TFEC: variants seen among roughly 807,000 people sequenced by gnomAD.
The protein encoded by TFEC is class E basic helix-loop-helix protein 34.
In TFEC, 31 loss-of-function variants were observed where a neutral mutation model predicts 41.6. That is an observed-to-expected ratio of 0.74 (90% CI 0.56 to 1.01). TFEC has a LOEUF of 1.01. Ranked by LOEUF, TFEC falls within the 50% of genes least tolerant of loss-of-function variation. The pLI is 0.00. For missense variants in TFEC, 402 were observed against 404.1 expected, an observed-to-expected ratio of 0.99 and a Z score of 0.04; for synonymous variants, 143 against 140.6, an observed-to-expected ratio of 1.02 and a Z score of -0.12.
At chr7:116,044,490 C>T in intron 3 of TFEC, among the ~76,000 whole-genome samples, 1 of 152,180 alleles carries the variant, frequency 6.6e-6, no homozygotes, top group East Asian at 1.9e-4. Flanking sequence ...CTGTGACTAA[C>T]CTACACTTAT....
At chr7:116,112,751 T>C (rs1378009682) in intron 1 of TFEC, among the ~76,000 whole-genome samples, 1 of 151,874 alleles carries the variant, frequency 6.6e-6, no homozygotes, top group Non-Finnish European at 1.5e-5. Flanking sequence ...TAAAACAAAA[T>C]TGAAGCCCAA....
chr7:115,944,892 A>G (rs1791447382), intron 6 of TFEC, among the ~76,000 whole-genome samples: 1 of 151,250 alleles, frequency 6.6e-6, no homozygotes, highest in Non-Finnish European at 1.5e-5. Context: ...CTTTACATGT[A>G]ATACTCTCAT....
intron 1 of TFEC, among the ~76,000 whole-genome samples, chr7:116,122,748 G>A (rs1329445948): frequency 6.6e-6 from 1 of 152,086 alleles, no homozygotes; most frequent in Non-Finnish European, 1.5e-5. Context: ...TGAAGGTTAA[G>A]GACGACTGGA....
At chr7:115,991,399 C>T (rs1184087910) in intron 1 of TFEC, among the ~76,000 whole-genome samples, 1 of 152,138 alleles carries the variant, frequency 6.6e-6, no homozygotes, top group Non-Finnish European at 1.5e-5. Flanking sequence ...TGTAAATGGG[C>T]TAAATGCTCC....
At chr7:116,098,824 A>C (rs1385905065) in intron 3 of TFEC, among the ~76,000 whole-genome samples, 1 of 151,764 alleles carries the variant, frequency 6.6e-6, no homozygotes, top group Non-Finnish European at 1.5e-5. Flanking sequence ...ACCAGACAAA[A>C]ACAAAAGCAA....
chr7:115,941,544 GATA>G (rs1329664408), intron 7 of TFEC: 3 of 264,600 alleles, frequency 1.1e-5, no homozygotes, highest in Non-Finnish European at 2.1e-5. Flanking sequence ...ATTTGATTAG[GATA>G]ATAATGTGTG....
At chr7:116,004,789 A>C (rs909248832) in intron 1 of TFEC, among the ~76,000 whole-genome samples, 1 of 143,032 alleles carries the variant, frequency 7.0e-6, no homozygotes, top group South Asian at 2.4e-4. Flanking sequence ...TCCTGGTTGG[A>C]AAAAAAAAAA....
chr7:116,025,018 T>C (rs573029923), intron 1 of TFEC, among the ~76,000 whole-genome samples: 45 of 152,292 alleles, frequency 3.0e-4, no homozygotes, highest in Non-Finnish European at 1.8e-4. Flanking sequence ...CCATTAGGCC[T>C]GAATCCAAGT....
intron 3 of TFEC, among the ~76,000 whole-genome samples, chr7:116,097,443 C>A (rs1797492446): frequency 6.6e-6 from 1 of 152,088 alleles, no homozygotes; most frequent in Non-Finnish European, 1.5e-5. Context: ...ATGCCAACAT[C>A]AATATTCTTG....
chr7:116,083,323 G>A (rs1326403274), intron 3 of TFEC, among the ~76,000 whole-genome samples: 1 of 151,584 alleles, frequency 6.6e-6, no homozygotes, highest in Non-Finnish European at 1.5e-5. Context: ...CCTTACATAA[G>A]AACCAAACAA....
intron 3 of TFEC, among the ~76,000 whole-genome samples, chr7:116,060,945 A>C (rs1033684029): frequency 1.3e-5 from 2 of 152,128 alleles, no homozygotes; most frequent in African/African-American, 4.8e-5. Context: ...AAAACTAAGA[A>C]GGCATTGCTA....
intron 1 of TFEC, among the ~76,000 whole-genome samples, chr7:116,114,238 C>A (rs1359836230): frequency 6.6e-6 from 1 of 151,886 alleles, no homozygotes; most frequent in African/African-American, 2.4e-5. Context: ...GAAAAACACA[C>A]AATATTTCAT....
At chr7:116,130,012 A>G (rs994810963) in intron 1 of TFEC, among the ~76,000 whole-genome samples, 4 of 150,060 alleles carry the variant, frequency 2.7e-5, no homozygotes, top group African/African-American at 7.4e-5. Context: ...ATTCCTGTCT[A>G]TATCACTATA....
rs151124558 is a variant in TFEC, at chr7:116,103,958, A to C, written c.198+6750T>G. Among the ~76,000 whole-genome samples, 4 of 152,338 alleles carry C rather than the reference A, an allele frequency of 2.6e-5. No homozygotes were observed. The East Asian group carries it at 7.7e-4, about 29-fold the overall frequency. ...ACATACAAGAAAAATTTGAAAATGG[A>C]CAACAGTCTTTACATTTACAGAGGA... On this transcript the variant is annotated intron_variant, in intron 3 of 8. Coordinates refer to the TFEC transcript ENST00000484212.
At chr7:116,032,897 A>C (rs957554710), upstream of TFEC, among the ~76,000 whole-genome samples, 6 of 152,148 alleles carry the variant, frequency 3.9e-5, no homozygotes, top group African/African-American at 1.4e-4. Context: ...TTTCATTTCA[A>C]AAATAGTTTA....
At chr7:116,027,183 T>C (rs908099138) in intron 1 of TFEC, among the ~76,000 whole-genome samples, 4 of 152,160 alleles carry the variant, frequency 2.6e-5, no homozygotes, top group Non-Finnish European at 5.9e-5. Flanking sequence ...TTGTCAATAA[T>C]ACGGTAGGTA....
chr7:115,943,996 T>A (rs922220194), intron 6 of TFEC, among the ~76,000 whole-genome samples: 18 of 141,288 alleles, frequency 1.3e-4, no homozygotes, highest in Admixed American at 3.6e-4. Context: ...AAGAAAATAA[T>A]ACTATGACAG....
At chr7:116,050,210 G>T (rs1796274182) in intron 3 of TFEC, among the ~76,000 whole-genome samples, 1 of 152,010 alleles carries the variant, frequency 6.6e-6, no homozygotes, top group South Asian at 2.1e-4. Flanking sequence ...TTTTTGAAAA[G>T]CTCAACAAAA....
At position 115,950,743 on chromosome 7, in the gene TFEC, A is replaced by G. The variant is rs951415715; in HGVS notation, c.515+131T>C. On this transcript the variant is annotated intron_variant, in intron 6 of 7. Coordinates refer to ENST00000265440, the MANE Select transcript of TFEC (RefSeq NM_012252.4). ...GGAATAGACATTTTAAAATGAGCCC[A>G]GCAATAGCCTTATTTTTGCTATAAG... The G allele has an allele frequency of 1.2e-4, 70 of 591,580 alleles. No individual in the cohort carries two copies. In the East Asian group the frequency reaches 2.1e-3, roughly 18 times the overall value. 36.6% of individuals were successfully genotyped at this position (591,580 alleles called of 1,614,324 possible).
Sources: allele counts gnomAD v4.1 joint callset (sites outside exome capture counted in the v4.1 genomes callset), GRCh38; gene constraint gnomAD v4.1.1; transcripts MANE v1.5; gene names NCBI Gene and HGNC (gene_info 2026-07-23, HGNC 2026-07-21).